RARB: variants seen among roughly 807,000 people sequenced by gnomAD.
RARB encodes retinoic acid receptor beta.
A neutral mutation model predicts 51.9 loss-of-function variants in RARB; 17 were observed. The ratio of observed to expected loss-of-function variants is 0.33; its 90% CI spans 0.22 to 0.49. RARB has a LOEUF of 0.49. Among genes scored for constraint, RARB ranks in the 20% least tolerant of loss-of-function variants. The pLI, the probability that RARB is intolerant of heterozygous loss-of-function variation, is 0.99. For synonymous variants in RARB, 215 were observed against 195.4 expected (o/e 1.10, Z -0.84); for missense variants, 369 against 550.8 (o/e 0.67, Z 3.30).
At chr3:25,102,912 G>A (rs2125321882) in intron 3 of RARB, among the ~76,000 whole-genome samples, 1 of 152,262 alleles carries the variant, frequency 6.6e-6, no homozygotes, top group South Asian at 2.1e-4. Flanking sequence ...TTAGCTGGTG[G>A]TGGTGATGCA....
chr3:25,592,678 G>A (rs574155581), intron 5 of RARB, among the ~76,000 whole-genome samples: 1 of 152,216 alleles, frequency 6.6e-6, no homozygotes, highest in Non-Finnish European at 1.5e-5. Context: ...AGGGTTATGT[G>A]TCAAGCATAC....
At chr3:25,236,057 T>C (rs990121416) in intron 5 of RARB, among the ~76,000 whole-genome samples, 16 of 152,198 alleles carry the variant, frequency 1.1e-4, no homozygotes, top group Non-Finnish European at 1.8e-4. Flanking sequence ...TTTAACTCTA[T>C]CTTCTTTGGT....
At chr3:25,486,258 G>A (rs756727233) in intron 2 of RARB, among the ~76,000 whole-genome samples, 11 of 152,202 alleles carry the variant, frequency 7.2e-5, no homozygotes, top group Non-Finnish European at 1.5e-4. Context: ...AATAAGACAC[G>A]TGGAAATCTC....
chr3:24,981,137 G>A (rs1299622533), intron 2 of RARB, among the ~76,000 whole-genome samples: 1 of 152,192 alleles, frequency 6.6e-6, no homozygotes. Context: ...CCTTCTTATG[G>A]AAGCTTCGTC....
chr3:25,002,423 A>T (rs1007384776), intron 2 of RARB, among the ~76,000 whole-genome samples: 1 of 152,176 alleles, frequency 6.6e-6, no homozygotes, highest in African/African-American at 2.4e-5. Context: ...GGAATGAATC[A>T]ACTAATGACA....
chr3:25,260,977 T>G (rs1346352869), intron 5 of RARB, among the ~76,000 whole-genome samples: 1 of 152,154 alleles, frequency 6.6e-6, no homozygotes, highest in Non-Finnish European at 1.5e-5. Context: ...CTGAGTAATT[T>G]TGGACAAGTC....
chr3:25,182,317 T>A (rs369210988), intron 5 of RARB, among the ~76,000 whole-genome samples: 1 of 152,188 alleles, frequency 6.6e-6, no homozygotes, highest in African/African-American at 2.4e-5. Context: ...AAAGGAGGGC[T>A]TGCAACACCA....
intron 2 of RARB, among the ~76,000 whole-genome samples, chr3:25,039,055 C>T (rs1698060396): frequency 6.6e-6 from 1 of 152,206 alleles, no homozygotes; most frequent in Non-Finnish European, 1.5e-5. Context: ...TATTTGTTGA[C>T]ATAATTTCTG....
rs1482783842 is a variant in RARB, at chr3:25,569,989, C to G, written c.609+71C>G. On this transcript the variant is annotated intron_variant, in intron 4 of 7. Transcript: ENST00000330688. ...GTACGTGCATGTGTGCAGACACACACACACACACACACACACACACACACA... is the reference window on the plus strand; with the variant it reads ...GTACGTGCATGTGTGCAGACACACAGACACACACACACACACACACACACA... 5.4e-6 allele frequency: 4 copies of G among 741,440 alleles called. No individual in the cohort carries two copies. In the Admixed American group the frequency reaches 1.9e-4, roughly 35 times the overall value. 45.9% of individuals were successfully genotyped at this position (741,440 alleles called of 1,614,324 possible). A position where few individuals can be genotyped will look rare whatever the true frequency, so the allele number is the denominator to read the frequency against.
chr3:25,165,499 C>A (rs1224798410), intron 4 of RARB, among the ~76,000 whole-genome samples: 1 of 152,142 alleles, frequency 6.6e-6, no homozygotes, highest in Non-Finnish European at 1.5e-5. Flanking sequence ...CATCTGCCAG[C>A]CTGTAGATCC....
intron 2 of RARB, among the ~76,000 whole-genome samples, chr3:24,867,134 T>C (rs1026492761): frequency 8.5e-5 from 13 of 152,132 alleles, no homozygotes; most frequent in Non-Finnish European, 1.5e-4. Flanking sequence ...ACCTCTGGAA[T>C]TATGGCTGGC....
intron 1 of RARB, among the ~76,000 whole-genome samples, chr3:24,846,639 G>T (rs2125333269): frequency 6.6e-6 from 1 of 152,298 alleles, no homozygotes; most frequent in African/African-American, 2.4e-5. Flanking sequence ...TACACAGGCT[G>T]CTGGCACTGG....
At chr3:25,538,246 A>C (rs1417098708) in intron 3 of RARB, among the ~76,000 whole-genome samples, 1 of 152,198 alleles carries the variant, frequency 6.6e-6, no homozygotes, top group South Asian at 2.1e-4. Context: ...TGGGAGGTTT[A>C]CACCCATTTC....
At chr3:25,034,665 T>A (rs1575128592) in intron 2 of RARB, among the ~76,000 whole-genome samples, 1 of 152,156 alleles carries the variant, frequency 6.6e-6, no homozygotes, top group South Asian at 2.1e-4. Context: ...AGCTCTTCCC[T>A]CCTTTCCTCC....
chr3:25,368,207 T>A (rs1289380041), intron 5 of RARB, among the ~76,000 whole-genome samples: 1 of 152,178 alleles, frequency 6.6e-6, no homozygotes, highest in Non-Finnish European at 1.5e-5. Context: ...TGGCAAGTCA[T>A]AGCAGAATCC....
At chr3:25,249,476 C>A (rs986107337) in intron 5 of RARB, among the ~76,000 whole-genome samples, 2 of 151,966 alleles carry the variant, frequency 1.3e-5, no homozygotes, top group Non-Finnish European at 2.9e-5. Context: ...TTGTTGTGAT[C>A]CTTTGGAGGT....
chr3:25,517,653 A>C (rs574970370), intron 3 of RARB, among the ~76,000 whole-genome samples: 22 of 152,018 alleles, frequency 1.4e-4, no homozygotes, highest in Non-Finnish European at 1.0e-4. Flanking sequence ...GTATATACTC[A>C]AGAGAAATAA....
intron 2 of RARB, among the ~76,000 whole-genome samples, chr3:24,896,613 G>T (rs776378170): frequency 2.6e-5 from 4 of 152,102 alleles, no homozygotes; most frequent in African/African-American, 4.8e-5. Flanking sequence ...AGTGGTGATG[G>T]TTCCATAACA....
chr3:24,966,842 G>T (rs4858671), intron 2 of RARB, among the ~76,000 whole-genome samples: 9 of 151,842 alleles, frequency 5.9e-5, no homozygotes, highest in African/African-American at 1.9e-4. Flanking sequence ...AAATCATTCA[G>T]GTGATCATTA....
Sources: gnomAD v4.1 joint callset for allele counts (sites outside exome capture counted in the v4.1 genomes callset) on GRCh38, gnomAD v4.1.1 for gene constraint, MANE v1.5 for transcripts, NCBI Gene and HGNC (gene_info 2026-07-23, HGNC 2026-07-21) for gene names.